SV2C: variants seen among roughly 807,000 people sequenced by gnomAD.
The protein encoded by SV2C is solute carrier family 22 member B3.
In SV2C, 49 loss-of-function variants were observed where a neutral mutation model predicts 79.7. The observed-to-expected ratio is 0.61, with a 90% confidence interval of 0.49 to 0.78. The LOEUF is 0.78. Among genes scored for constraint, SV2C ranks in the 30% least tolerant of loss-of-function variants. The pLI is 0.00. For missense variants in SV2C, 833 were observed against 912.9 expected, an observed-to-expected ratio of 0.91 and a Z score of 1.13; for synonymous variants, 334 against 333.2, an observed-to-expected ratio of 1.00 and a Z score of -0.03.
chr5:76,060,103 G>T, the SV2C span, among the ~76,000 whole-genome samples: 1 of 152,110 alleles, frequency 6.6e-6, no homozygotes, highest in Non-Finnish European at 1.5e-5. Flanking sequence ...TGTCGCTCAG[G>T]CGTTCTTATT....
At chr5:75,880,003 C>T in the SV2C span, among the ~76,000 whole-genome samples, 1 of 152,152 alleles carries the variant, frequency 6.6e-6, no homozygotes, top group Non-Finnish European at 1.5e-5. Flanking sequence ...AAAGTGGCAA[C>T]CTGAGCTGTA....
the SV2C span, among the ~76,000 whole-genome samples, chr5:75,927,548 A>C: frequency 1.1e-4 from 17 of 152,194 alleles, no homozygotes; most frequent in African/African-American, 4.1e-4. Context: ...CTATTACACA[A>C]GATGAGAAAG....
chr5:75,905,371 C>T, the SV2C span, among the ~76,000 whole-genome samples: 1 of 152,158 alleles, frequency 6.6e-6, no homozygotes, highest in Non-Finnish European at 1.5e-5. Context: ...GCTTCTGGGT[C>T]AAAGCATCTA....
intron 2 of SV2C, among the ~76,000 whole-genome samples, chr5:76,168,528 G>A (rs1014699289): frequency 2.0e-5 from 3 of 152,174 alleles, no homozygotes; most frequent in East Asian, 3.8e-4. Flanking sequence ...AGATGATGTC[G>A]TGAAGGAGGT....
chr5:76,173,940 A>G lies in SV2C; in HGVS notation c.581-20979A>G, dbSNP rs369568234. 9 of 1,572,378 alleles carry G rather than the reference A, an allele frequency of 5.7e-6. No individual in the cohort carries two copies. The African/African-American group carries it at 1.2e-4, about 21-fold the overall frequency. On this transcript the variant is annotated intron_variant, in intron 2 of 12. Coordinates refer to ENST00000502798, the MANE Select transcript of SV2C (RefSeq NM_014979.4). ...AATGTGGACTGTGCTGTGATGGAATAAACTAATGCAAACCCTTGTCCATTT... is the reference window on the plus strand; with the variant it reads ...AATGTGGACTGTGCTGTGATGGAATGAACTAATGCAAACCCTTGTCCATTT...
the SV2C span, among the ~76,000 whole-genome samples, chr5:76,016,158 C>A: frequency 6.8e-6 from 1 of 147,232 alleles, no homozygotes; most frequent in Admixed American, 7.2e-5. Flanking sequence ...GCTCTCTTTG[C>A]TTTTGGAAGC....
chr5:76,312,455 G>C (rs1299354586), intron 12 of SV2C, among the ~76,000 whole-genome samples: 1 of 152,114 alleles, frequency 6.6e-6, no homozygotes, highest in African/African-American at 2.4e-5. Context: ...GTTTCACCGT[G>C]TTGGCCAGGC....
At chr5:76,246,228 T>C (rs1203549745) in intron 4 of SV2C, among the ~76,000 whole-genome samples, 1 of 152,130 alleles carries the variant, frequency 6.6e-6, no homozygotes, top group African/African-American at 2.4e-5. Flanking sequence ...TATTCCTGAG[T>C]ATTCATTCAT....
intron 1 of SV2C, among the ~76,000 whole-genome samples, chr5:76,098,175 G>A (rs1276141730): frequency 6.6e-6 from 1 of 152,116 alleles, no homozygotes; most frequent in Admixed American, 6.6e-5. Flanking sequence ...TTTAAATTCT[G>A]TTATTCTTAG....
chr5:76,146,823 C>A (rs60623804), intron 2 of SV2C, among the ~76,000 whole-genome samples: 47,443 of 108,922 alleles, frequency 0.44, 9,479 homozygotes, highest in Middle Eastern at 0.56. Context: ...AAAAAAAAGC[C>A]AAACAAAACA....
chr5:75,983,065 C>A, the SV2C span, among the ~76,000 whole-genome samples: 1 of 152,100 alleles, frequency 6.6e-6, no homozygotes, highest in South Asian at 2.1e-4. Context: ...AACAAACCCT[C>A]ATGATACAAG....
chr5:76,351,955 G>A (rs1749651064), intron 12 of SV2C, among the ~76,000 whole-genome samples: 1 of 152,222 alleles, frequency 6.6e-6, no homozygotes, highest in African/African-American at 2.4e-5. Flanking sequence ...GCTCACGCCT[G>A]TAATCTCAAC....
At chr5:75,980,867 A>G in the SV2C span, among the ~76,000 whole-genome samples, 2 of 152,308 alleles carry the variant, frequency 1.3e-5, no homozygotes, top group East Asian at 1.9e-4. Context: ...GGCCAGGGCA[A>G]TCAGGCAAGA....
chr5:75,926,178 C>G, the SV2C span, among the ~76,000 whole-genome samples: 1 of 151,946 alleles, frequency 6.6e-6, no homozygotes, highest in African/African-American at 2.4e-5. Flanking sequence ...CTGAGCTTAC[C>G]CAAACTCTCA....
At chr5:76,295,252 G>A (rs965763350) in intron 8 of SV2C, among the ~76,000 whole-genome samples, 33 of 152,278 alleles carry the variant, frequency 2.2e-4, no homozygotes, top group African/African-American at 6.7e-4. Context: ...GCAGCTTGTC[G>A]CTGAGTCCTC....
the SV2C span, among the ~76,000 whole-genome samples, chr5:75,958,565 C>A: frequency 6.6e-6 from 1 of 151,996 alleles, no homozygotes; most frequent in Non-Finnish European, 1.5e-5. Flanking sequence ...GCATCCTTCG[C>A]CCTGACTTTG....
the SV2C span, among the ~76,000 whole-genome samples, chr5:75,883,338 T>G: frequency 1.4e-5 from 2 of 144,772 alleles, no homozygotes; most frequent in African/African-American, 2.8e-5. Flanking sequence ...ATCCCATTAC[T>G]GGGTATATAC....
chr5:76,175,148 A>G (rs200261041), intron 2 of SV2C, among the ~76,000 whole-genome samples: 39 of 152,238 alleles, frequency 2.6e-4, no homozygotes, highest in African/African-American at 8.7e-4. Context: ...CAGTTCCCCA[A>G]CCCCTACGCT....
chr5:76,261,064 C>T (rs901275293), intron 4 of SV2C, among the ~76,000 whole-genome samples: 1 of 152,180 alleles, frequency 6.6e-6, no homozygotes, highest in Non-Finnish European at 1.5e-5. Context: ...ATTGATTCTT[C>T]CTATCCATGA....
Sources: allele counts gnomAD v4.1 joint callset (sites outside exome capture counted in the v4.1 genomes callset), GRCh38; gene constraint gnomAD v4.1.1; transcripts MANE v1.5; gene names NCBI Gene and HGNC (gene_info 2026-07-23, HGNC 2026-07-21).